The following CLUAP1 variants were observed in gnomAD, a reference collection of about 807,000 sequenced individuals.
CLUAP1 encodes the protein clusterin-associated protein 1.
In CLUAP1, 50 loss-of-function variants were observed where a neutral mutation model predicts 55.0. The ratio of observed to expected loss-of-function variants is 0.91; its 90% CI spans 0.72 to 1.15. The LOEUF (loss-of-function observed/expected upper bound fraction) is 1.15. CLUAP1 is among the 50% of genes most tolerant of loss of function. The pLI is 0.00. For missense variants in CLUAP1, 530 were observed against 507.6 expected, an observed-to-expected ratio of 1.04 and a Z score of -0.42; for synonymous variants, 195 against 175.4, an observed-to-expected ratio of 1.11 and a Z score of -0.88.
At chr16:3,524,694 T>G (rs1365690664) in intron 8 of CLUAP1, among the ~76,000 whole-genome samples, 1 of 151,546 alleles carries the variant, frequency 6.6e-6, no homozygotes, top group Non-Finnish European at 1.5e-5. Context: ...TAAAGAGGAA[T>G]GGCAGTTTAT....
At chr16:3,516,368 C>G (rs530148106) in intron 6 of CLUAP1, among the ~76,000 whole-genome samples, 1 of 152,104 alleles carries the variant, frequency 6.6e-6, no homozygotes, top group Non-Finnish European at 1.5e-5. Flanking sequence ...ATATGTAATT[C>G]TTTTGTCATT....
At chr16:3,535,638 C>T (rs2038215637) in intron 11 of CLUAP1, 1 of 153,688 alleles carries the variant, frequency 6.5e-6, no homozygotes, top group African/African-American at 2.4e-5. Context: ...CGGCTCACTG[C>T]ACCTCTGCCT....
At chr16:3,529,483 T>A (rs1282555473) in intron 9 of CLUAP1, among the ~76,000 whole-genome samples, 2 of 75,168 alleles carry the variant, frequency 2.7e-5, no homozygotes, top group African/African-American at 1.2e-4. Context: ...TATTATATAT[T>A]ATATAATTAT....
chr16:3,519,532 C>G (rs759819751), intron 6 of CLUAP1, among the ~76,000 whole-genome samples: 1 of 152,110 alleles, frequency 6.6e-6, no homozygotes, highest in Non-Finnish European at 1.5e-5. Context: ...GGGCATGGCC[C>G]GAATGATAAA....
At chr16:3,502,863 C>G (rs796714697) in intron 1 of CLUAP1, among the ~76,000 whole-genome samples, 7 of 152,218 alleles carry the variant, frequency 4.6e-5, no homozygotes, top group African/African-American at 1.7e-4. Flanking sequence ...TGGTAAGGAT[C>G]TTACTCAAAT....
intron 5 of CLUAP1, among the ~76,000 whole-genome samples, chr16:3,515,123 G>T (rs2285814): frequency 0.43 from 65,967 of 151,764 alleles, 17,255 homozygotes; most frequent in African/African-American, 0.75. Flanking sequence ...TCCTAGCACT[G>T]TGGGAGACCA....
intron 3 of CLUAP1, 80 bp from the exon 4 acceptor site, chr16:3,508,209 T>G: frequency 1.5e-6 from 2 of 1,304,542 alleles, no homozygotes; most frequent in Non-Finnish European, 2.1e-6. Context: ...AGAGGCATTT[T>G]CAACTCACCT....
At chr16:3,530,911 G>C (rs969420407) in intron 10 of CLUAP1, among the ~76,000 whole-genome samples, 1 of 152,068 alleles carries the variant, frequency 6.6e-6, no homozygotes, top group Non-Finnish European at 1.5e-5. Context: ...TTTATGGCTT[G>C]GTATTTCTCA....
intron 6 of CLUAP1, among the ~76,000 whole-genome samples, chr16:3,518,386 T>C (rs1186537083): frequency 6.6e-6 from 1 of 152,172 alleles, no homozygotes; most frequent in East Asian, 1.9e-4. Flanking sequence ...TGTTAGAAAA[T>C]ATCTGTGATG....
chr16:3,527,474 C>A lies in CLUAP1; in HGVS notation c.928+990C>A, dbSNP rs148134828. Among the ~76,000 whole-genome samples the A allele has an allele frequency of 3.3e-3, 509 of 152,164 alleles. 2 individuals are homozygous for A. The highest frequency in any genetic ancestry group is 5.0e-3 in the Non-Finnish European group (343 of 67,984). ...GGAAGCCGCCCGTTGCCAAGTGGACCGTGGTCTAGTGGTAGCGTCAGTGTC... is the reference window on the plus strand; with the variant it reads ...GGAAGCCGCCCGTTGCCAAGTGGACAGTGGTCTAGTGGTAGCGTCAGTGTC... On this transcript the variant is annotated intron_variant, in intron 9 of 11. Transcript: ENST00000576634.
chr16:3,498,430 A>C (rs994649702), upstream of CLUAP1, among the ~76,000 whole-genome samples: 5 of 152,294 alleles, frequency 3.3e-5, no homozygotes, highest in East Asian at 5.8e-4. Context: ...CACAAGCAGA[A>C]ATGGAAAAGC....
At chr16:3,519,851 A>G in intron 6 of CLUAP1, 52 bp from the exon 7 acceptor site, 1 of 1,535,834 alleles carries the variant, frequency 6.5e-7, no homozygotes, top group Non-Finnish European at 8.7e-7. Flanking sequence ...TCTAAGAATT[A>G]GGATGGCTGT....
At chr16:3,506,504 T>G (rs2037509605) in intron 3 of CLUAP1, 89 bp downstream of exon 3, 9 of 1,035,776 alleles carry the variant, frequency 8.7e-6, no homozygotes, top group Non-Finnish European at 1.4e-5. Context: ...ACTGTGTAAT[T>G]GAGTTTTTCT....
chr16:3,525,804 T>G lies in CLUAP1; in HGVS notation c.856-608T>G, dbSNP rs11862316. On this transcript the variant is annotated intron_variant, in intron 8 of 11. Coordinates refer to ENST00000576634, the MANE Select transcript of CLUAP1 (RefSeq NM_015041.3). ...CTGGTCTCAAACTCCTGGGCTCAAG[T>G]GATCCTCCTGCCTTGGCCTCCCAAA... is the stretch of plus-strand genomic sequence containing the variant. Among the ~76,000 whole-genome samples the G allele has an allele frequency of 4.3e-3, 649 of 152,282 alleles. 6 individuals carry two copies. The highest frequency in any genetic ancestry group is 0.015 in the African/African-American group (623 of 41,550).
intron 10 of CLUAP1, among the ~76,000 whole-genome samples, chr16:3,531,662 T>G (rs2038122171): frequency 6.6e-6 from 1 of 152,224 alleles, no homozygotes; most frequent in African/African-American, 2.4e-5. Flanking sequence ...TGGGTGTGTC[T>G]TTACAGATTA....
chr16:3,516,341 A>T (rs946375426), intron 6 of CLUAP1, among the ~76,000 whole-genome samples: 1 of 152,206 alleles, frequency 6.6e-6, no homozygotes, highest in Non-Finnish European at 1.5e-5. Context: ...AATTCTAAAA[A>T]TCATAGGTTT....
At chr16:3,495,933 G>T in the CLUAP1 span, among the ~76,000 whole-genome samples, 1 of 152,156 alleles carries the variant, frequency 6.6e-6, no homozygotes, top group Non-Finnish European at 1.5e-5. Flanking sequence ...GAGGTCAGGA[G>T]ATCGAGACCA....
intron 3 of CLUAP1, among the ~76,000 whole-genome samples, chr16:3,507,044 A>G (rs898201811): frequency 4.6e-5 from 7 of 151,584 alleles, no homozygotes; most frequent in Non-Finnish European, 8.8e-5. Context: ...AAAATACAAA[A>G]AATTAGTTGG....
At chr16:3,512,543 G>A (rs560246297) in intron 5 of CLUAP1, 65 bp downstream of exon 5, 2 of 1,267,182 alleles carry the variant, frequency 1.6e-6, no homozygotes, top group East Asian at 2.3e-5. Context: ...TTTCAATTCT[G>A]TTTCTCCCTT....
Sources: allele counts gnomAD v4.1 joint callset (sites outside exome capture counted in the v4.1 genomes callset), GRCh38; gene constraint gnomAD v4.1.1; transcripts MANE v1.5; gene names NCBI Gene and HGNC (gene_info 2026-07-23, HGNC 2026-07-21).